The following PTPRT variants were observed in gnomAD, a reference collection of about 807,000 sequenced individuals.
The protein encoded by PTPRT is protein tyrosine phosphatase receptor type T.
In PTPRT, 56 loss-of-function variants were observed where a neutral mutation model predicts 176.8. The ratio of observed to expected loss-of-function variants is 0.32; its 90% CI spans 0.26 to 0.40. PTPRT has a LOEUF of 0.40. Ranked by LOEUF, PTPRT falls within the 10% of genes least tolerant of loss-of-function variation. The probability of loss-of-function intolerance (pLI) is 1.00; values close to 1 mark genes in which losing one functional copy is unlikely to be tolerated. For synonymous variants in PTPRT, 783 were observed against 739.0 expected (o/e 1.06, Z -0.96); for missense variants, 1,540 against 1,908.2 (o/e 0.81, Z 3.60).
intron 1 of PTPRT, among the ~76,000 whole-genome samples, chr20:42,919,962 C>T (rs552996073): frequency 1.4e-4 from 21 of 152,294 alleles, no homozygotes; most frequent in African/African-American, 4.3e-4. Flanking sequence ...GGCCAATCCC[C>T]GCCTAGAATT....
chr20:43,096,435 C>G (rs1399250642), intron 1 of PTPRT, among the ~76,000 whole-genome samples: 1 of 152,220 alleles, frequency 6.6e-6, no homozygotes, highest in Non-Finnish European at 1.5e-5. Context: ...CTTGGGGAGT[C>G]AGCTTTGGGA....
chr20:42,839,323 T>TC (rs55728903), intron 2 of PTPRT, among the ~76,000 whole-genome samples: 1 of 150,934 alleles, frequency 6.6e-6, no homozygotes, highest in African/African-American at 2.4e-5. Context: ...TTTTTTTTTT[T>TC]AAAGCGCCCT....
intron 8 of PTPRT, among the ~76,000 whole-genome samples, chr20:42,451,861 C>A (rs2070836052): frequency 6.6e-6 from 1 of 152,090 alleles, no homozygotes; most frequent in Non-Finnish European, 1.5e-5. Context: ...GGCAAGTAAA[C>A]AATGCTGGCT....
intron 22 of PTPRT, among the ~76,000 whole-genome samples, chr20:42,111,584 ATAAC>A (rs1378341786): frequency 2.1e-5 from 3 of 142,652 alleles, no homozygotes; most frequent in African/African-American, 5.3e-5. Context: ...AGTGAAAATA[ATAAC>A]TAACAAACAT....
chr20:42,509,050 T>C (rs6102873), intron 7 of PTPRT, among the ~76,000 whole-genome samples: 4,629 of 23,380 alleles, frequency 0.2, 553 homozygotes, highest in African/African-American at 0.52. Context: ...ATATAATTTA[T>C]ATTTAATTTA....
the PTPRT span, among the ~76,000 whole-genome samples, chr20:42,067,512 G>A: frequency 6.6e-6 from 1 of 152,072 alleles, no homozygotes; most frequent in African/African-American, 2.4e-5. Context: ...TCTTGCTCTT[G>A]CACCCTATGC....
chr20:42,873,495 T>C, intron 2 of PTPRT, among the ~76,000 whole-genome samples: 1 of 152,100 alleles, frequency 6.6e-6, no homozygotes, highest in East Asian at 1.9e-4. Context: ...TCTAGGAGAG[T>C]ATTGACCAAT....
At chr20:42,100,908 C>T (rs555773677) in intron 26 of PTPRT, among the ~76,000 whole-genome samples, 45 of 152,324 alleles carry the variant, frequency 3.0e-4, no homozygotes, top group African/African-American at 9.9e-4. Context: ...TGGACAGAGG[C>T]CAGGGCAGGC....
At chr20:42,516,429 GC>G (rs2072068608) in intron 7 of PTPRT, among the ~76,000 whole-genome samples, 1 of 152,056 alleles carries the variant, frequency 6.6e-6, no homozygotes, top group African/African-American at 2.4e-5. Flanking sequence ...TTTATGACTA[GC>G]TTTTCCCCCT....
intron 6 of PTPRT, among the ~76,000 whole-genome samples, chr20:42,753,448 C>A (rs1238912946): frequency 6.6e-6 from 1 of 152,156 alleles, no homozygotes; most frequent in Non-Finnish European, 1.5e-5. Flanking sequence ...AAACTGATAA[C>A]CTATGCCAAA....
chr20:42,066,831 G>C, the PTPRT span, among the ~76,000 whole-genome samples: 1 of 151,826 alleles, frequency 6.6e-6, no homozygotes, highest in East Asian at 1.9e-4. Context: ...TCCTAATTTT[G>C]GTTATTTGTG....
chr20:42,920,062 C>G (rs1033710795), intron 1 of PTPRT, among the ~76,000 whole-genome samples: 1 of 152,172 alleles, frequency 6.6e-6, no homozygotes, highest in African/African-American at 2.4e-5. Context: ...TTTGAATGTC[C>G]TAGATGATCA....
At chr20:42,550,120 C>T (rs1026406261) in intron 7 of PTPRT, among the ~76,000 whole-genome samples, 1 of 152,098 alleles carries the variant, frequency 6.6e-6, no homozygotes, top group African/African-American at 2.4e-5. Context: ...CTTCTGTACG[C>T]CCCTTGCTTT....
intron 1 of PTPRT, among the ~76,000 whole-genome samples, chr20:42,906,252 G>A (rs2079476511): frequency 6.6e-6 from 1 of 152,042 alleles, no homozygotes; most frequent in Non-Finnish European, 1.5e-5. Context: ...AGACCACACT[G>A]GCAGACACCA....
At chr20:42,771,645 G>C in intron 4 of PTPRT, 95 bp from the exon 5 acceptor site, 1 of 933,784 alleles carries the variant, frequency 1.1e-6, no homozygotes, top group Non-Finnish European at 1.7e-6. Flanking sequence ...GCACTGGGCA[G>C]GGTGGAACTG....
At chr20:42,614,784 T>G (rs144253353) in intron 7 of PTPRT, among the ~76,000 whole-genome samples, 42 of 152,208 alleles carry the variant, frequency 2.8e-4, no homozygotes, top group African/African-American at 1.0e-3. Context: ...TTTAATGCAC[T>G]TACAGTTCCA....
intron 14 of PTPRT, among the ~76,000 whole-genome samples, chr20:42,245,808 T>G (rs1468547362): frequency 3.3e-5 from 5 of 151,922 alleles, no homozygotes; most frequent in Non-Finnish European, 7.4e-5. Flanking sequence ...GGTTATAGCT[T>G]TAGGGGGGCT....
intron 1 of PTPRT, among the ~76,000 whole-genome samples, chr20:43,116,725 C>T (rs2013073710): frequency 6.6e-6 from 1 of 152,108 alleles, no homozygotes; most frequent in African/African-American, 2.4e-5. Context: ...TCTTTTTCCA[C>T]CACAAATGTA....
chr20:42,252,380 G>A (rs1322254593), intron 13 of PTPRT, among the ~76,000 whole-genome samples: 3 of 152,190 alleles, frequency 2.0e-5, no homozygotes, highest in African/African-American at 7.2e-5. Flanking sequence ...AAGCGTGGGG[G>A]CCTGTTGGTG....
Sources: gnomAD v4.1 joint callset for allele counts (sites outside exome capture counted in the v4.1 genomes callset) on GRCh38, gnomAD v4.1.1 for gene constraint, MANE v1.5 for transcripts, NCBI Gene and HGNC (gene_info 2026-07-23, HGNC 2026-07-21) for gene names.